ZPLD1: variants seen among roughly 807,000 people sequenced by gnomAD.
ZPLD1 encodes the protein zona pellucida like domain containing 1, also known as zona pellucida-like domain-containing protein 1.
ZPLD1 carries 34 observed loss-of-function variants against 47.2 expected under a neutral mutation model. The ratio of observed to expected loss-of-function variants is 0.72; its 90% CI spans 0.55 to 0.96. The LOEUF is 0.96. Ranked by LOEUF, ZPLD1 falls within the 40% of genes least tolerant of loss-of-function variation. The pLI is 0.00. For synonymous variants in ZPLD1, 176 were observed against 186.2 expected, an observed-to-expected ratio of 0.95 and a Z score of 0.45; for missense variants, 512 against 505.8, an observed-to-expected ratio of 1.01 and a Z score of -0.12.
intron 7 of ZPLD1, among the ~76,000 whole-genome samples, chr3:102,393,031 G>A (rs1040842695): frequency 2.6e-5 from 4 of 151,918 alleles, no homozygotes; most frequent in Non-Finnish European, 5.9e-5. Context: ...CATGTATCTG[G>A]TACGTCTATA....
At chr3:102,424,196 A>G (rs1479906576) in intron 8 of ZPLD1, among the ~76,000 whole-genome samples, 1 of 152,168 alleles carries the variant, frequency 6.6e-6, no homozygotes, top group Non-Finnish European at 1.5e-5. Flanking sequence ...AAGAGAAAAC[A>G]CTATTGTTAT....
At chr3:102,406,045 T>C (rs1706681177) in intron 7 of ZPLD1, among the ~76,000 whole-genome samples, 1 of 152,024 alleles carries the variant, frequency 6.6e-6, no homozygotes, top group Admixed American at 6.6e-5. Flanking sequence ...AAGTCTGTGA[T>C]GGGATCTGAC....
intron 7 of ZPLD1, among the ~76,000 whole-genome samples, chr3:102,411,359 C>T (rs550199060): frequency 6.6e-6 from 1 of 151,878 alleles, no homozygotes; most frequent in African/African-American, 2.4e-5. Context: ...GGTATGATCT[C>T]TTCTGAAAAT....
intron 6 of ZPLD1, among the ~76,000 whole-genome samples, chr3:102,388,259 C>G (rs2107282044): frequency 6.6e-6 from 1 of 152,162 alleles, no homozygotes; most frequent in Non-Finnish European, 1.5e-5. Context: ...AGTTATTGGA[C>G]CTCCTGGAGG....
At chr3:102,412,811 C>A (rs1475074483) in intron 7 of ZPLD1, among the ~76,000 whole-genome samples, 1 of 151,376 alleles carries the variant, frequency 6.6e-6, no homozygotes, top group Non-Finnish European at 1.5e-5. Context: ...GTATATATCC[C>A]TATATATACA....
chr3:102,476,819 A>T (rs1194812345), intron 10 of ZPLD1, among the ~76,000 whole-genome samples, 193 bp from the exon 11 acceptor site: 2 of 152,070 alleles, frequency 1.3e-5, no homozygotes, highest in South Asian at 2.1e-4. Context: ...TCCAGGACAT[A>T]TGAAACAGGG....
At chr3:102,452,184 C>T (rs1439780795) in intron 3 of ZPLD1, among the ~76,000 whole-genome samples, 1 of 149,572 alleles carries the variant, frequency 6.7e-6, no homozygotes, top group East Asian at 2.0e-4. Flanking sequence ...TGGACTAGAC[C>T]TCGTCACAGA....
chr3:102,411,849 A>G (rs577235580), intron 7 of ZPLD1, among the ~76,000 whole-genome samples: 1 of 151,844 alleles, frequency 6.6e-6, no homozygotes, highest in Non-Finnish European at 1.5e-5. Context: ...CAGAACCAAT[A>G]GGGTATATCT....
At position 102,435,167 on chromosome 3, in the gene ZPLD1, A is replaced by G. The variant is rs1024664062; in HGVS notation, c.-123+13A>G. The stretch of plus-strand genomic sequence containing the variant: ...GGAAATGATGAAGGTAAGGTTGAGG[A>G]TGGGAAATTTGCAAGATAATAGTTC... On this transcript the variant is annotated intron_variant, in intron 1 of 11. Coordinates refer to ENST00000466937, the MANE Select transcript of ZPLD1 (RefSeq NM_001329788.2). The G allele has an allele frequency of 6.2e-7, 1 of 1,614,106 alleles. No individual in the cohort carries two copies. The highest frequency in any genetic ancestry group is 8.5e-7 in the Non-Finnish European group (1 of 1,179,954).
In ZPLD1 at chr3:102,387,897, G is replaced by A. The variant is rs185879800; in HGVS notation, c.-213+2580G>A. Among the ~76,000 whole-genome samples the A allele has an allele frequency of 7.6e-3, 877 of 115,000 alleles. 5 individuals are homozygous for A. The highest frequency in any genetic ancestry group is 0.028 in the African/African-American group (833 of 29,278). 75.4% of individuals were successfully genotyped at this position (115,000 alleles called of 152,430 possible). The stretch of plus-strand genomic sequence containing the variant: ...TTTGTGAGACGGAGTCTCTCTCTCT[G>A]TCGCCCAGGCTGGAGTGCAGTGGTG... On this transcript the variant is annotated intron_variant, in intron 6 of 17. Transcript: ENST00000491959.
At chr3:102,438,365 G>A (rs1559751359) in intron 2 of ZPLD1, 115 bp from the exon 3 acceptor site, 2 of 654,834 alleles carry the variant, frequency 3.1e-6, no homozygotes, top group African/African-American at 1.8e-5. Context: ...AGCTTTGGCT[G>A]CATGGATGTA....
At chr3:102,441,148 G>C (rs953004363) in intron 3 of ZPLD1, among the ~76,000 whole-genome samples, 1 of 152,128 alleles carries the variant, frequency 6.6e-6, no homozygotes, top group Non-Finnish European at 1.5e-5. Flanking sequence ...AGAAGGCCAA[G>C]TAATAAAATG....
At chr3:102,399,569 T>C (rs897292936) in intron 7 of ZPLD1, among the ~76,000 whole-genome samples, 10 of 152,116 alleles carry the variant, frequency 6.6e-5, no homozygotes, top group Non-Finnish European at 1.2e-4. Context: ...TATTCTTTTT[T>C]AAATGTCTGC....
chr3:102,455,814 A>T (rs560733155), intron 4 of ZPLD1, among the ~76,000 whole-genome samples: 1 of 152,200 alleles, frequency 6.6e-6, no homozygotes, highest in African/African-American at 2.4e-5. Context: ...CAGCATTATC[A>T]TCAAGAGTTG....
At position 102,477,482 on chromosome 3, in the gene ZPLD1, C is replaced by A. The variant is rs1207355520; in HGVS notation, c.1112C>A (p.Thr371Asn). 1 of 1,613,720 alleles carries A rather than the reference C, an allele frequency of 6.2e-7. No individual in the cohort carries two copies. Among genetic ancestry groups the A allele is most frequent in the Admixed American group, 1.7e-5 (1 of 59,984 alleles). The change falls in exon 12 of 12, where the codon ACC (threonine) becomes AAC (asparagine). Residue 371 changes from threonine (T) to asparagine (N), a missense_variant. Thr to Asn is a moderately conservative substitution (Grantham distance 65). Transcript: ENST00000466937. ...CCTCCCTTCCAGCTGAACGCCATCA[C>A]CAGCGCACTGATATCAGGAATGGTC... ...SMPPFQLNAI[T>N]SALISGMVIL...
At chr3:102,427,038 A>G (rs1014247081) in intron 8 of ZPLD1, among the ~76,000 whole-genome samples, 1 of 152,174 alleles carries the variant, frequency 6.6e-6, no homozygotes, top group Non-Finnish European at 1.5e-5. Context: ...GAAGTTTAAT[A>G]TTACATCCTC....
intron 8 of ZPLD1, among the ~76,000 whole-genome samples, chr3:102,422,960 G>A (rs1047602214): frequency 5.9e-5 from 9 of 151,992 alleles, no homozygotes; most frequent in Admixed American, 2.0e-4. Flanking sequence ...GAAATGTCAT[G>A]GTTATTTAAG....
intron 8 of ZPLD1, among the ~76,000 whole-genome samples, chr3:102,426,669 T>C (rs1434512360): frequency 2.6e-5 from 4 of 152,222 alleles, no homozygotes; most frequent in Non-Finnish European, 5.9e-5. Flanking sequence ...ATGGTGCTAA[T>C]TGAAGTGTTT....
At chr3:102,405,203 G>A (rs543564337) in intron 7 of ZPLD1, among the ~76,000 whole-genome samples, 2 of 152,044 alleles carry the variant, frequency 1.3e-5, no homozygotes, top group African/African-American at 4.8e-5. Flanking sequence ...CTCCAAATAA[G>A]TAGATTGTTG....
Sources: gnomAD v4.1 joint callset for allele counts (sites outside exome capture counted in the v4.1 genomes callset) on GRCh38, gnomAD v4.1.1 for gene constraint, MANE v1.5 for transcripts, NCBI Gene and HGNC (gene_info 2026-07-23, HGNC 2026-07-21) for gene names.